Variants in SSBP2 observed in about 807,000 individuals in gnomAD.
SSBP2 encodes the protein single stranded DNA binding protein 2, also known as single-stranded DNA-binding protein 2.
Under a neutral mutation model 61.8 loss-of-function variants are expected in SSBP2, and 17 were observed. That is an observed-to-expected ratio of 0.28 (90% CI 0.19 to 0.41). SSBP2 has a LOEUF of 0.41. SSBP2 is among the 10% of genes least tolerant of loss of function. The probability of loss-of-function intolerance (pLI) is 1.00; values close to 1 mark genes in which losing one functional copy is unlikely to be tolerated. For missense variants in SSBP2, 310 were observed against 458.7 expected, an observed-to-expected ratio of 0.68 and a Z score of 2.96; for synonymous variants, 139 against 141.3, an observed-to-expected ratio of 0.98 and a Z score of 0.12.
intron 1 of SSBP2, among the ~76,000 whole-genome samples, chr5:81,665,420 C>T (rs1751029554): frequency 1.3e-5 from 2 of 152,112 alleles, no homozygotes; most frequent in East Asian, 3.9e-4. Context: ...CCCTTAAATC[C>T]CGGTATCAGT....
At chr5:81,637,854 G>T (rs992681667) in intron 2 of SSBP2, among the ~76,000 whole-genome samples, 1 of 152,096 alleles carries the variant, frequency 6.6e-6, no homozygotes, top group Admixed American at 6.5e-5. Flanking sequence ...GAACCAACCC[G>T]AATGTCCAAC....
rs1764946400 is a variant in SSBP2 at position 81,467,138 on chromosome 5, C to T, written c.571-97G>A. ...GGAGAGCACGTTAATGATTTCCCTA[C>T]ATAACTCCAATTGGATAAGGCCTGT... On this transcript the variant is annotated intron_variant, in intron 8 of 16. Transcript: ENST00000320672. 6.4e-6 allele frequency: 6 copies of T among 939,452 alleles called. No homozygotes were observed. The South Asian group carries it at 9.9e-5, about 15-fold the overall frequency. The allele number at this position is 939,452 out of a possible 1,614,324, so 58.2% of individuals were successfully genotyped here.
intron 1 of SSBP2, among the ~76,000 whole-genome samples, chr5:81,694,280 A>G (rs1467655951): frequency 6.6e-6 from 1 of 152,244 alleles, no homozygotes; most frequent in African/African-American, 2.4e-5. Flanking sequence ...ACCTGCAGTC[A>G]ACAACAATTT....
intron 1 of SSBP2, among the ~76,000 whole-genome samples, chr5:81,719,791 A>G (rs1755427872): frequency 6.6e-6 from 1 of 152,162 alleles, no homozygotes; most frequent in African/African-American, 2.4e-5. Flanking sequence ...AGAAAAGGCC[A>G]ATGCAGGGCA....
At chr5:81,722,292 A>G (rs1755588817) in intron 1 of SSBP2, among the ~76,000 whole-genome samples, 1 of 152,026 alleles carries the variant, frequency 6.6e-6, no homozygotes. Flanking sequence ...TAAGATAACT[A>G]TACTACAACT....
intron 5 of SSBP2, among the ~76,000 whole-genome samples, chr5:81,506,580 A>G (rs1039565896): frequency 2.0e-4 from 31 of 152,162 alleles, no homozygotes; most frequent in Non-Finnish European, 4.0e-4. Flanking sequence ...TTCTGAAACA[A>G]CCATAGTCAA....
intron 4 of SSBP2, among the ~76,000 whole-genome samples, chr5:81,594,611 A>G (rs555775815): frequency 1.1e-4 from 16 of 152,330 alleles, no homozygotes; most frequent in Admixed American, 9.2e-4. Context: ...TCCTCAGCAA[A>G]TGTAAAAGAA....
At chr5:81,627,190 T>G (rs1747259030) in intron 3 of SSBP2, among the ~76,000 whole-genome samples, 1 of 152,226 alleles carries the variant, frequency 6.6e-6, no homozygotes, top group Admixed American at 6.5e-5. Flanking sequence ...TTCCCTCCGT[T>G]TTTTACAATG....
chr5:81,669,566 G>C (rs1043473680), intron 1 of SSBP2, among the ~76,000 whole-genome samples: 1 of 152,020 alleles, frequency 6.6e-6, no homozygotes, highest in African/African-American at 2.4e-5. Flanking sequence ...AAAACCAAAC[G>C]CCACATGTTC....
intron 8 of SSBP2, among the ~76,000 whole-genome samples, chr5:81,473,054 T>G (rs568104162): frequency 9.2e-5 from 14 of 152,346 alleles, no homozygotes; most frequent in African/African-American, 3.4e-4. Flanking sequence ...AAGTATGGTT[T>G]GTTGTTATAC....
At chr5:81,524,091 A>G (rs769214447) in intron 4 of SSBP2, among the ~76,000 whole-genome samples, 7 of 152,032 alleles carry the variant, frequency 4.6e-5, no homozygotes, top group Non-Finnish European at 7.4e-5. Flanking sequence ...ACCTAGTAAG[A>G]TAAACTGGAT....
chr5:81,713,419 G>A (rs7702466), intron 1 of SSBP2, among the ~76,000 whole-genome samples: 26,348 of 151,474 alleles, frequency 0.17, 2,527 homozygotes, highest in East Asian at 0.38. Context: ...AAAAACATAA[G>A]GCAAGTTTAG....
intron 1 of SSBP2, among the ~76,000 whole-genome samples, chr5:81,749,412 C>G (rs961370478): frequency 1.3e-5 from 2 of 152,150 alleles, no homozygotes; most frequent in African/African-American, 4.8e-5. Context: ...GTTCCCATCC[C>G]TAGGGCACAC....
Position 81,502,592 on chromosome 5 carries a change from C to G in SSBP2, c.372+11036G>C, listed in dbSNP as rs552435005. On this transcript the variant is annotated intron_variant, in intron 5 of 16. Coordinates refer to ENST00000320672, the MANE Select transcript of SSBP2 (RefSeq NM_012446.5). Reference sequence around the variant, plus strand: ...TCACATCTTGTTCCCTACTCAAAACCTCTTGCATGTCTAACAGCCATCTCA... The same window carrying G: ...TCACATCTTGTTCCCTACTCAAAACGTCTTGCATGTCTAACAGCCATCTCA... Among the ~76,000 whole-genome samples the G allele has an allele frequency of 9.2e-5, 14 of 152,332 alleles. No individual in the cohort carries two copies. The South Asian group carries it at 2.9e-3, about 32-fold the overall frequency.
chr5:81,417,206 T>C lies in SSBP2; in HGVS notation c.*3298A>G, dbSNP rs1761343760. ...GGATTCCTAGCTGTGAACTTCCTCT[T>C]TATCAGCAACTGACTCCATACTGGA... is the stretch of plus-strand genomic sequence containing the variant. On this transcript the variant is annotated 3_prime_UTR_variant, in exon 17 of 17. Transcript: ENST00000320672. The C allele has an allele frequency of 6.6e-6, 1 of 152,164 alleles. No homozygotes were observed. Among genetic ancestry groups the C allele is most frequent in the African/African-American group, 2.4e-5 (1 of 41,414 alleles). The allele number at this position is 152,164 out of a possible 1,614,324, so 9.4% of individuals were successfully genotyped here. A position where few individuals can be genotyped will look rare whatever the true frequency, so the allele number is the denominator to read the frequency against.
chr5:81,629,723 A>C (rs765883279), intron 3 of SSBP2, among the ~76,000 whole-genome samples: 1 of 152,222 alleles, frequency 6.6e-6, no homozygotes. Flanking sequence ...GTTGACAAAT[A>C]AAAATTGTAT....
chr5:81,555,319 T>A (rs1772508626), intron 4 of SSBP2, among the ~76,000 whole-genome samples: 1 of 152,076 alleles, frequency 6.6e-6, no homozygotes, highest in African/African-American at 2.4e-5. Context: ...CATTTACAAA[T>A]GTTCCTAAAT....
intron 4 of SSBP2, among the ~76,000 whole-genome samples, chr5:81,587,128 C>A (rs1478327685): frequency 1.3e-5 from 2 of 152,118 alleles, no homozygotes; most frequent in Non-Finnish European, 2.9e-5. Context: ...TAATAAATCA[C>A]AGTGTGTATA....
At chr5:81,476,843 C>T (rs1561446411) in intron 6 of SSBP2, among the ~76,000 whole-genome samples, 1 of 152,142 alleles carries the variant, frequency 6.6e-6, no homozygotes, top group Non-Finnish European at 1.5e-5. Context: ...TGGTATTTCA[C>T]TATAAGGAAA....
Sources: allele counts gnomAD v4.1 joint callset (sites outside exome capture counted in the v4.1 genomes callset), GRCh38; gene constraint gnomAD v4.1.1; transcripts MANE v1.5; gene names NCBI Gene and HGNC (gene_info 2026-07-23, HGNC 2026-07-21).